MECOM: variants seen among roughly 807,000 people sequenced by gnomAD.
MECOM encodes MDS1 and EVI1 complex locus.
In MECOM, 13 loss-of-function variants were observed where a neutral mutation model predicts 116.3. The observed-to-expected ratio is 0.11, with a 90% CI of 0.07 to 0.18. The LOEUF is 0.18. Among genes scored for constraint, MECOM ranks in the 10% least tolerant of loss-of-function variants. The probability of loss-of-function intolerance (pLI) is 1.00; values close to 1 mark genes in which losing one functional copy is unlikely to be tolerated. For missense variants in MECOM, 1,299 were observed against 1,509.0 expected (o/e 0.86, Z 2.31); for synonymous variants, 528 against 535.2 (o/e 0.99, Z 0.19).
At chr3:169,146,465 A>G (rs1274575402) in intron 2 of MECOM, 1 of 1,385,126 alleles carries the variant, frequency 7.2e-7, no homozygotes, top group Admixed American at 1.9e-5. Context: ...ACAAGCCGGC[A>G]GAGAAACCCA....
In MECOM at chr3:169,514,235, T is replaced by A. The variant is rs1299246142; in HGVS notation, c.38-132711A>T. On this transcript the variant is annotated intron_variant, in intron 1 of 16. Coordinates refer to ENST00000651503, the MANE Select transcript of MECOM (RefSeq NM_004991.4). ...AGCTGTTTAATTCAAGTGCAAGAGATCTTTTCTAAGTAGGAAAAGACACAC... is the reference window on the plus strand; with the variant it reads ...AGCTGTTTAATTCAAGTGCAAGAGAACTTTTCTAAGTAGGAAAAGACACAC... Among the ~76,000 whole-genome samples the A allele has an allele frequency of 2.6e-5, 4 of 152,150 alleles. No homozygotes were observed. In the East Asian group the frequency reaches 7.7e-4, roughly 29 times the overall value.
chr3:169,610,101 G>A (rs1413532199), intron 1 of MECOM, among the ~76,000 whole-genome samples: 1 of 151,880 alleles, frequency 6.6e-6, no homozygotes, highest in Admixed American at 6.6e-5. Flanking sequence ...CTAAACTACA[G>A]GTTTTTGTCA....
At chr3:169,313,461 G>A (rs1719171111) in intron 2 of MECOM, among the ~76,000 whole-genome samples, 1 of 152,218 alleles carries the variant, frequency 6.6e-6, no homozygotes, top group South Asian at 2.1e-4. Flanking sequence ...ACTACAGAGA[G>A]AGGGCAGAAT....
chr3:169,517,791 T>C (rs1335474067), intron 1 of MECOM, among the ~76,000 whole-genome samples: 1 of 152,148 alleles, frequency 6.6e-6, no homozygotes, highest in African/African-American at 2.4e-5. Flanking sequence ...CTGTGGTAGG[T>C]ACTAGAGATT....
At chr3:169,579,880 T>G (rs892484404) in intron 1 of MECOM, among the ~76,000 whole-genome samples, 1 of 152,190 alleles carries the variant, frequency 6.6e-6, no homozygotes, top group Non-Finnish European at 1.5e-5. Context: ...GAGTGAGATT[T>G]CCACAGCACA....
intron 1 of MECOM, among the ~76,000 whole-genome samples, chr3:169,612,765 G>T (rs1238187451): frequency 1.3e-5 from 2 of 152,126 alleles, no homozygotes; most frequent in Admixed American, 1.3e-4. Flanking sequence ...TAAAATACGT[G>T]CTTTCACCTT....
chr3:169,569,941 G>A (rs1397589352), intron 1 of MECOM, among the ~76,000 whole-genome samples: 2 of 152,054 alleles, frequency 1.3e-5, no homozygotes, highest in African/African-American at 4.8e-5. Context: ...AACTAGAGAA[G>A]CAAGAGCAAA....
intron 2 of MECOM, among the ~76,000 whole-genome samples, chr3:169,236,127 G>A (rs1332131475): frequency 6.6e-6 from 1 of 152,086 alleles, no homozygotes; most frequent in Non-Finnish European, 1.5e-5. Flanking sequence ...CCAACTGCAG[G>A]CAAATGTAAG....
intron 1 of MECOM, among the ~76,000 whole-genome samples, chr3:169,445,074 CAG>C (rs1456485282): frequency 6.6e-6 from 1 of 152,118 alleles, no homozygotes; most frequent in Non-Finnish European, 1.5e-5. Flanking sequence ...AAAAGGTAAA[CAG>C]AGCATAAAAG....
intron 1 of MECOM, among the ~76,000 whole-genome samples, chr3:169,447,038 G>C (rs1023386657): frequency 3.3e-5 from 5 of 152,084 alleles, no homozygotes; most frequent in African/African-American, 1.2e-4. Flanking sequence ...TTATGAAAAG[G>C]GATCCTCATT....
At chr3:169,352,708 C>T (rs1246510472) in intron 2 of MECOM, among the ~76,000 whole-genome samples, 2 of 151,816 alleles carry the variant, frequency 1.3e-5, no homozygotes, top group Non-Finnish European at 2.9e-5. Flanking sequence ...ACAGTAAAGA[C>T]AAACCAACTT....
chr3:169,405,140 A>G (rs1394921458), intron 1 of MECOM, among the ~76,000 whole-genome samples: 1 of 152,214 alleles, frequency 6.6e-6, no homozygotes, highest in Non-Finnish European at 1.5e-5. Context: ...GCTGTGCTAG[A>G]CAATATGGTC....
intron 2 of MECOM, among the ~76,000 whole-genome samples, chr3:169,176,211 A>G (rs1027286815): frequency 1.3e-5 from 2 of 152,122 alleles, no homozygotes; most frequent in Admixed American, 6.6e-5. Context: ...ATTTAAAGCC[A>G]TCTTGGGCCA....
In MECOM at chr3:169,530,194, G is replaced by T. The variant is rs79510984; in HGVS notation, c.37+133142C>A. Among the ~76,000 whole-genome samples the T allele has an allele frequency of 9.5e-3, 1,440 of 152,290 alleles. 20 individuals are homozygous for T. Among genetic ancestry groups the T allele is most frequent in the South Asian group, 0.026 (124 of 4,824 alleles). On this transcript the variant is annotated intron_variant, in intron 1 of 16. Transcript: ENST00000651503. ...TCTAAGAAGGGAGCACAGCACATAA[G>T]GCTGAGCAGAGGTTCCCAGTTGATG... is the stretch of plus-strand genomic sequence containing the variant.
At chr3:169,409,689 C>T (rs1192521634) in intron 1 of MECOM, among the ~76,000 whole-genome samples, 2 of 152,198 alleles carry the variant, frequency 1.3e-5, no homozygotes, top group African/African-American at 4.8e-5. Context: ...TTTTGAAACC[C>T]TCATAACTGT....
chr3:169,270,062 TA>T (rs1352365021), intron 2 of MECOM, among the ~76,000 whole-genome samples: 2 of 152,106 alleles, frequency 1.3e-5, no homozygotes, highest in East Asian at 3.9e-4. Flanking sequence ...CATTAAAAAA[TA>T]ATCATTTCAT....
intron 1 of MECOM, among the ~76,000 whole-genome samples, chr3:169,440,625 T>C (rs570060265): frequency 1.8e-4 from 27 of 152,130 alleles, no homozygotes; most frequent in African/African-American, 5.8e-4. Context: ...ATTGACAAGG[T>C]TTGGATTATT....
At chr3:169,502,571 C>A (rs1030892703) in intron 1 of MECOM, among the ~76,000 whole-genome samples, 1 of 152,038 alleles carries the variant, frequency 6.6e-6, no homozygotes, top group Non-Finnish European at 1.5e-5. Flanking sequence ...AAGTAATTAC[C>A]CAGAGTTGCT....
intron 2 of MECOM, among the ~76,000 whole-genome samples, chr3:169,253,633 A>T (rs1756510528): frequency 6.6e-6 from 1 of 152,168 alleles, no homozygotes; most frequent in South Asian, 2.1e-4. Flanking sequence ...TATGAGATAC[A>T]TCTATATATA....
Sources: gnomAD v4.1 joint callset for allele counts (sites outside exome capture counted in the v4.1 genomes callset) on GRCh38, gnomAD v4.1.1 for gene constraint, MANE v1.5 for transcripts, NCBI Gene and HGNC (gene_info 2026-07-23, HGNC 2026-07-21) for gene names.